LRPPRC: variants seen among roughly 807,000 people sequenced by gnomAD.
LRPPRC encodes leucine rich pentatricopeptide repeat containing, also known as leucine-rich PPR motif-containing protein, mitochondrial.
LRPPRC carries 120 observed loss-of-function variants against 180.3 expected under a neutral mutation model. The ratio of observed to expected loss-of-function variants is 0.67; its 90% CI spans 0.57 to 0.77. The LOEUF (loss-of-function observed/expected upper bound fraction) is 0.77. Ranked by LOEUF, LRPPRC falls within the 30% of genes least tolerant of loss-of-function variation. The pLI is 0.00. For synonymous variants in LRPPRC, 723 were observed against 600.0 expected (o/e 1.21, Z -3.00); for missense variants, 2,012 against 1,657.2 (o/e 1.21, Z -3.72).
intron 3 of LRPPRC, 62 bp downstream of exon 3, chr2:43,979,761 ACTT>A (rs1442251677): frequency 7.0e-7 from 1 of 1,422,120 alleles, no homozygotes; most frequent in South Asian, 1.2e-5. Context: ...GTAAACAAAC[ACTT>A]TTTTGCAAAA....
chr2:43,893,476 T>G (rs77561014), intron 36 of LRPPRC, among the ~76,000 whole-genome samples: 1,728 of 152,316 alleles, frequency 0.011, 32 homozygotes, highest in African/African-American at 0.04. Flanking sequence ...CCATCAACAT[T>G]GAGCCAAGAC....
Position 43,977,256 on chromosome 2 carries a change from G to T in LRPPRC, c.490C>A (p.His164Asn). The T allele has an allele frequency of 3.1e-6, 5 of 1,599,524 alleles. No homozygotes were observed. The South Asian group carries it at 4.4e-5, about 14-fold the overall frequency. Residue 164 changes from histidine (H) to asparagine (N), a missense_variant, in exon 4 of 38, where the codon CAC becomes AAC. Coordinates refer to ENST00000260665, the MANE Select transcript of LRPPRC (RefSeq NM_133259.4). ...QKLGAVYDVS[H>N]YNALLKVYLQ... ...TAGACTTTAAGTAAAGCATTATAGT[G>T]ACTCACATCATACACAGCACCTACA...
At chr2:43,963,245 G>C (rs1191845565) in intron 12 of LRPPRC, among the ~76,000 whole-genome samples, 10 of 152,150 alleles carry the variant, frequency 6.6e-5, no homozygotes, top group Non-Finnish European at 2.9e-5. Flanking sequence ...GGGAGTTTGA[G>C]TCCAGCCCGA....
chr2:43,929,369 C>G (rs751509174), intron 25 of LRPPRC, among the ~76,000 whole-genome samples: 8 of 152,150 alleles, frequency 5.3e-5, no homozygotes, highest in Non-Finnish European at 1.2e-4. Context: ...ACATTTCTCT[C>G]AGCTGTGAAT....
intron 13 of LRPPRC, 59 bp downstream of exon 13, chr2:43,960,482 C>T: frequency 1.1e-6 from 1 of 919,414 alleles, no homozygotes; most frequent in Non-Finnish European, 1.8e-6. Context: ...ACCCTGCATG[C>T]CCTCAATAGT....
At chr2:43,974,041 A>G (rs1490754537) in intron 9 of LRPPRC, 109 bp downstream of exon 9, 2 of 1,259,060 alleles carry the variant, frequency 1.6e-6, no homozygotes, top group Non-Finnish European at 2.3e-6. Context: ...ACACAAGAAC[A>G]TTGTTATGAT....
intron 22 of LRPPRC, among the ~76,000 whole-genome samples, chr2:43,944,796 G>C (rs1465102217): frequency 6.6e-6 from 1 of 152,020 alleles, no homozygotes; most frequent in African/African-American, 2.4e-5. Context: ...GAAAATTTGA[G>C]TATGCAAATC....
At chr2:43,913,650 TAAG>T (rs1671342821) in intron 29 of LRPPRC, among the ~76,000 whole-genome samples, 2 of 152,166 alleles carry the variant, frequency 1.3e-5, no homozygotes, top group African/African-American at 4.8e-5. Flanking sequence ...ATTTGCATCT[TAAG>T]GAGAACAGTT....
At chr2:43,903,708 A>T (rs1045491616) in intron 31 of LRPPRC, 2 of 151,164 alleles carry the variant, frequency 1.3e-5, no homozygotes, top group African/African-American at 4.8e-5. Context: ...CCTGTAGCTT[A>T]CACAGGGCAC....
chr2:43,919,145 A>G (rs1318532483), intron 27 of LRPPRC, among the ~76,000 whole-genome samples: 1 of 152,082 alleles, frequency 6.6e-6, no homozygotes, highest in Non-Finnish European at 1.5e-5. Context: ...TCTATTGTGA[A>G]CTGCGCATGT....
chr2:43,933,892 C>T (rs1349870583), intron 25 of LRPPRC, among the ~76,000 whole-genome samples: 4 of 152,054 alleles, frequency 2.6e-5, no homozygotes, highest in Admixed American at 2.6e-4. Context: ...CCCAGGAATG[C>T]CAGTTTAATT....
At chr2:43,917,980 G>C in intron 29 of LRPPRC, 45 bp downstream of exon 29, 1 of 1,410,628 alleles carries the variant, frequency 7.1e-7, no homozygotes, top group Non-Finnish European at 1.0e-6. Flanking sequence ...CTATTAGAAA[G>C]AAGACCACCC....
chr2:43,900,135 CT>C (rs1670833466), intron 32 of LRPPRC, among the ~76,000 whole-genome samples: 1 of 152,000 alleles, frequency 6.6e-6, no homozygotes, highest in East Asian at 1.9e-4. Flanking sequence ...GCCTCAATTT[CT>C]TTTTGTCAGG....
Position 43,995,856 on chromosome 2 carries a change from G to T in LRPPRC, c.92C>A (p.Pro31Gln), listed in dbSNP as rs1423735593. ...ATAGGAGGCGGCATGCAGCCGGCCC[G>T]GGCCGCCAGGGAGGAGGCGCAGGGA... is the stretch of plus-strand genomic sequence containing the variant. ...PLSLRLLPGG[P>Q]GRLHAASYLP... The change falls in exon 1 of 38, where the codon CCG (proline) becomes CAG (glutamine). Residue 31 changes from proline to glutamine, a missense_variant. Coordinates refer to ENST00000260665, the MANE Select transcript of LRPPRC (RefSeq NM_133259.4). 1 of 1,484,454 alleles carries T rather than the reference G, an allele frequency of 6.7e-7. No individual in the cohort carries two copies. The allele number at this position is 1,484,454 out of a possible 1,614,324, so 92.0% of individuals were successfully genotyped here. A position where few individuals can be genotyped will look rare whatever the true frequency, so the allele number is the denominator to read the frequency against.
At chr2:43,966,234 A>G (rs1559026361) in intron 11 of LRPPRC, among the ~76,000 whole-genome samples, 1 of 151,792 alleles carries the variant, frequency 6.6e-6, no homozygotes, top group Non-Finnish European at 1.5e-5. Flanking sequence ...TCTCACTTAT[A>G]TATGGAATCT....
intron 11 of LRPPRC, 26 bp from the exon 12 acceptor site, chr2:43,963,732 GAGAT>G: frequency 8.7e-7 from 1 of 1,152,516 alleles, no homozygotes; most frequent in Non-Finnish European, 1.3e-6. Flanking sequence ...TAGAAGCACA[GAGAT>G]AGAGAACTTA....
intron 1 of LRPPRC, among the ~76,000 whole-genome samples, chr2:43,994,596 G>T (rs1182349559): frequency 1.2e-5 from 1 of 85,854 alleles, no homozygotes; most frequent in Non-Finnish European, 2.8e-5. Flanking sequence ...ATCTGGAGTA[G>T]GCTGCAGTCT....
At chr2:43,993,776 G>C (rs761292453) in intron 1 of LRPPRC, among the ~76,000 whole-genome samples, 5 of 150,860 alleles carry the variant, frequency 3.3e-5, no homozygotes, top group South Asian at 2.1e-4. Flanking sequence ...AATGATATCA[G>C]ACAAGTGAGG....
Position 43,948,733 on chromosome 2 carries a change from T to C in LRPPRC, c.1736-215A>G, listed in dbSNP as rs74944176. Among the ~76,000 whole-genome samples the C allele has an allele frequency of 0.018, 2,762 of 152,246 alleles. 95 individuals carry two copies. Among genetic ancestry groups the C allele is most frequent in the African/African-American group, 0.063 (2,598 of 41,534 alleles). ...GAATATTAATTATTTTCAGACCGAG[T>C]GACAGCTTTTCAGTACTGAATCTTA... On this transcript the variant is annotated intron_variant, in intron 16 of 37. Transcript: ENST00000260665.
Sources: gnomAD v4.1 joint callset for allele counts (sites outside exome capture counted in the v4.1 genomes callset) on GRCh38, gnomAD v4.1.1 for gene constraint, MANE v1.5 for transcripts, NCBI Gene and HGNC (gene_info 2026-07-23, HGNC 2026-07-21) for gene names.